The following UQCC1 variants were observed in gnomAD, a reference collection of about 807,000 sequenced individuals.
UQCC1 encodes bFGF-repressed Zic-binding protein.
Under a neutral mutation model 48.0 loss-of-function variants are expected in UQCC1, and 38 were observed. That is an observed-to-expected ratio of 0.79 (90% CI 0.61 to 1.04). The LOEUF (loss-of-function observed/expected upper bound fraction) is 1.04, where lower values mean the gene tolerates loss of function less well. Ranked by LOEUF, UQCC1 falls within the 50% of genes least tolerant of loss-of-function variation. UQCC1 has a pLI of 0.00. For synonymous variants in UQCC1, 111 were observed against 129.2 expected (o/e 0.86, Z 0.95); for missense variants, 368 against 381.8 (o/e 0.96, Z 0.30).
chr20:35,380,865 T>C (rs1231690356), intron 4 of UQCC1, among the ~76,000 whole-genome samples: 3 of 152,250 alleles, frequency 2.0e-5, no homozygotes, highest in Non-Finnish European at 2.9e-5. Flanking sequence ...CTTTGCATTA[T>C]ACTTACCAGC....
chr20:35,380,435 C>T (rs770705646), intron 4 of UQCC1, among the ~76,000 whole-genome samples: 35 of 152,314 alleles, frequency 2.3e-4, no homozygotes, highest in Non-Finnish European at 2.6e-4. Flanking sequence ...TGTGGAATTA[C>T]TGTTCACTTT....
chr20:35,372,170 G>A (rs2061740540), intron 5 of UQCC1, among the ~76,000 whole-genome samples: 1 of 151,814 alleles, frequency 6.6e-6, no homozygotes, highest in African/African-American at 2.4e-5. Context: ...AAATTAGCCG[G>A]GCATGGTAGC....
At chr20:35,366,331 G>A (rs1246895417) in intron 6 of UQCC1, among the ~76,000 whole-genome samples, 1 of 152,196 alleles carries the variant, frequency 6.6e-6, no homozygotes, top group African/African-American at 2.4e-5. Context: ...CACTGGGTTA[G>A]GTGTTCTCTG....
Position 35,381,834 on chromosome 20 carries a change from CA to C in UQCC1, c.333+83del, listed in dbSNP as rs141620402. On this transcript the variant is annotated intron_variant, in intron 4 of 9. Coordinates refer to ENST00000374385, the MANE Select transcript of UQCC1 (RefSeq NM_018244.5). ...AAATAATGTATGAATTCCATGAAAG[CA>C]AAGCAGAAGCTTTAAAAAATCTATT... is the stretch of plus-strand genomic sequence containing the variant. 6.9e-4 allele frequency: 569 copies of C among 825,786 alleles called. 4 individuals carry two copies. The African/African-American group carries it at 7.9e-3, about 11-fold the overall frequency. 51.2% of individuals were successfully genotyped at this position (825,786 alleles called of 1,614,324 possible).
chr20:35,336,143 G>A (rs1817026027), intron 7 of UQCC1, among the ~76,000 whole-genome samples: 1 of 152,240 alleles, frequency 6.6e-6, no homozygotes, highest in African/African-American at 2.4e-5. Context: ...CAATGCTAGA[G>A]CCATAGTTTT....
At chr20:35,403,827 T>A (rs1204659) in intron 1 of UQCC1, among the ~76,000 whole-genome samples, 179 of 152,248 alleles carry the variant, frequency 1.2e-3, no homozygotes, top group African/African-American at 4.2e-3. Context: ...AACCAAACAC[T>A]GCATGTTCTC....
intron 1 of UQCC1, among the ~76,000 whole-genome samples, chr20:35,403,186 A>T (rs2062194096): frequency 6.6e-6 from 1 of 152,186 alleles, no homozygotes; most frequent in Non-Finnish European, 1.5e-5. Flanking sequence ...CAATAAATAC[A>T]TTAAGGGTGA....
intron 8 of UQCC1, among the ~76,000 whole-genome samples, chr20:35,308,809 A>C (rs994508350): frequency 3.9e-5 from 6 of 152,144 alleles, no homozygotes; most frequent in Admixed American, 6.6e-5. Context: ...CTGCCTCCCA[A>C]GTTCAAGTGA....
At chr20:35,399,577 C>T (rs908440171) in intron 1 of UQCC1, among the ~76,000 whole-genome samples, 19 of 152,072 alleles carry the variant, frequency 1.2e-4, no homozygotes, top group African/African-American at 3.9e-4. Flanking sequence ...CTCTCTAGGC[C>T]GGGCGCAGTG....
intron 7 of UQCC1, among the ~76,000 whole-genome samples, chr20:35,330,824 T>TA (rs572428630): frequency 7.6e-4 from 114 of 150,428 alleles, no homozygotes; most frequent in African/African-American, 2.7e-3. Context: ...GAAAGGCCCT[T>TA]AGAAATAACC....
At chr20:35,384,880 T>C (rs1034516512) in intron 2 of UQCC1, among the ~76,000 whole-genome samples, 2 of 139,566 alleles carry the variant, frequency 1.4e-5, no homozygotes, top group Non-Finnish European at 3.0e-5. Flanking sequence ...GGCAGGAGAA[T>C]AGCTTGAACT....
chr20:35,315,469 T>C (rs1459906889), intron 7 of UQCC1: 1 of 147,830 alleles, frequency 6.8e-6, no homozygotes, highest in Non-Finnish European at 1.5e-5. Flanking sequence ...TGGTCAGAGG[T>C]GGGAAGAGGA....
intron 5 of UQCC1, among the ~76,000 whole-genome samples, chr20:35,373,687 CAA>C (rs5841203): frequency 0.014 from 1,183 of 86,310 alleles, 13 homozygotes; most frequent in African/African-American, 0.042. Flanking sequence ...GACTCCATCT[CAA>C]AAAAAAAAAA....
chr20:35,338,169 C>CT (rs1008831532), intron 7 of UQCC1, among the ~76,000 whole-genome samples: 2 of 151,924 alleles, frequency 1.3e-5, no homozygotes, highest in Non-Finnish European at 2.9e-5. Flanking sequence ...ATTCTCATGT[C>CT]TTTTTTTTCC....
At chr20:35,343,588 T>C (rs1252772501) in intron 7 of UQCC1, among the ~76,000 whole-genome samples, 1 of 152,264 alleles carries the variant, frequency 6.6e-6, no homozygotes, top group South Asian at 2.1e-4. Flanking sequence ...AAGTCAACTA[T>C]AGCAGAAAGC....
intron 7 of UQCC1, among the ~76,000 whole-genome samples, chr20:35,327,873 G>A (rs183751889): frequency 2.6e-5 from 4 of 152,150 alleles, no homozygotes; most frequent in East Asian, 1.9e-4. Context: ...ATGGTGGTGG[G>A]TGCCTGTAGT....
chr20:35,401,936 C>T (rs1161890730), intron 1 of UQCC1, among the ~76,000 whole-genome samples: 1 of 151,618 alleles, frequency 6.6e-6, no homozygotes, highest in African/African-American at 2.4e-5. Flanking sequence ...GCTGGGATTA[C>T]AGGCATGAGC....
At chr20:35,401,361 G>C (rs1454928529) in intron 1 of UQCC1, among the ~76,000 whole-genome samples, 1 of 152,160 alleles carries the variant, frequency 6.6e-6, no homozygotes, top group Non-Finnish European at 1.5e-5. Context: ...ACATTTTAAA[G>C]ATGGGATTCA....
chr20:35,363,664 C>T (rs575466284), intron 6 of UQCC1, among the ~76,000 whole-genome samples: 3 of 152,282 alleles, frequency 2.0e-5, no homozygotes, highest in South Asian at 2.1e-4. Context: ...GAAATGTCAG[C>T]GACCAGGGTA....
Sources: allele counts gnomAD v4.1 joint callset (sites outside exome capture counted in the v4.1 genomes callset), GRCh38; gene constraint gnomAD v4.1.1; transcripts MANE v1.5; gene names NCBI Gene and HGNC (gene_info 2026-07-23, HGNC 2026-07-21).